GALNT17: variants seen among roughly 807,000 people sequenced by gnomAD.
The protein encoded by GALNT17 is polypeptide N-acetylgalactosaminyltransferase 17, also known as UDP-GalNAc:polypeptide N-acetylgalactosaminyltransferase-like 3.
Under a neutral mutation model 63.7 loss-of-function variants are expected in GALNT17, and 29 were observed. That is an observed-to-expected ratio of 0.46 (90% CI 0.34 to 0.62). The LOEUF (loss-of-function observed/expected upper bound fraction) is 0.62, where lower values mean the gene tolerates loss of function less well. Ranked by LOEUF, GALNT17 falls within the 20% of genes least tolerant of loss-of-function variation. The probability of loss-of-function intolerance (pLI) is 0.01; values close to 1 mark genes in which losing one functional copy is unlikely to be tolerated. For synonymous variants in GALNT17, 305 were observed against 318.3 expected, an observed-to-expected ratio of 0.96 and a Z score of 0.45; for missense variants, 603 against 799.6, an observed-to-expected ratio of 0.75 and a Z score of 2.97.
intron 3 of GALNT17, among the ~76,000 whole-genome samples, chr7:71,398,738 A>G (rs1793184676): frequency 6.6e-6 from 1 of 152,244 alleles, no homozygotes; most frequent in South Asian, 2.1e-4. Flanking sequence ...AAAAGATGAA[A>G]AAAGTTGTGG....
intron 1 of GALNT17, among the ~76,000 whole-genome samples, chr7:71,208,582 C>T (rs1237593181): frequency 6.6e-6 from 1 of 151,298 alleles, no homozygotes; most frequent in Non-Finnish European, 1.5e-5. Flanking sequence ...TCCAGGGTAG[C>T]TGGGACTACA....
intron 1 of GALNT17, among the ~76,000 whole-genome samples, chr7:71,237,452 G>A: frequency 7.0e-6 from 1 of 143,056 alleles, no homozygotes; most frequent in East Asian, 2.2e-4. Flanking sequence ...GGCCAAGGCA[G>A]ATCGCTTGAG....
rs1789439215 is a variant in GALNT17 at position 71,571,315 on chromosome 7, G to A, written c.993G>A (p.Val331=). ...RTPAMIGCSF[V]VNRKFFGEIG... ...CAGCCATGATAGGCTGCTCGTTCGT[G>A]GTCAACAGGAAGTTCTTCGGTGAAA... is the stretch of plus-strand genomic sequence containing the variant. The change falls in exon 6 of 11, where the codon GTG becomes GTA. Residue 331 remains valine (V), a synonymous_variant. Transcript: ENST00000333538. 6.2e-6 allele frequency: 10 copies of A among 1,613,924 alleles called. No homozygotes were observed. The highest frequency in any genetic ancestry group is 8.5e-6 in the Non-Finnish European group (10 of 1,179,966).
At position 71,540,093 on chromosome 7, in the gene GALNT17, C is replaced by CTTTTTTTTT. The variant is rs71089954; in HGVS notation, c.963-31165_963-31157dup. Among the ~76,000 whole-genome samples, 115 of 33,552 alleles carry CTTTTTTTTT rather than the reference C, an allele frequency of 3.4e-3. 18 individuals carry two copies. The highest frequency in any genetic ancestry group is 4.6e-3 in the Non-Finnish European group (83 of 18,028). The allele number at this position is 33,552 out of a possible 152,430, so 22.0% of individuals were successfully genotyped here. On this transcript the variant is annotated intron_variant, in intron 5 of 10. Coordinates refer to ENST00000333538, the MANE Select transcript of GALNT17 (RefSeq NM_022479.3). ...ACAGTTGTGAGCCACTGTGCCTGGCCTTTTTTTTTTTTTTTTTTTTTTTTT... is the reference window on the plus strand; with the variant it reads ...ACAGTTGTGAGCCACTGTGCCTGGCCTTTTTTTTTTTTTTTTTTTTTTTTTTTTTTTTTT...
chr7:71,417,748 C>G (rs945165986), intron 4 of GALNT17, among the ~76,000 whole-genome samples: 1 of 152,220 alleles, frequency 6.6e-6, no homozygotes, highest in African/African-American at 2.4e-5. Flanking sequence ...CATACCTTGT[C>G]TTTTCCTTGG....
chr7:71,486,888 C>T (rs113065627), intron 5 of GALNT17, among the ~76,000 whole-genome samples: 2,110 of 151,760 alleles, frequency 0.014, 43 homozygotes, highest in African/African-American at 0.049. Context: ...AAAAAACGCA[C>T]TTCTTGCTCC....
At chr7:71,166,819 C>T (rs1788449177) in intron 1 of GALNT17, among the ~76,000 whole-genome samples, 1 of 151,192 alleles carries the variant, frequency 6.6e-6, no homozygotes, top group Admixed American at 6.6e-5. Flanking sequence ...TAGATATATG[C>T]TTTTTTTTTC....
At chr7:71,503,789 C>T (rs1436521670) in intron 5 of GALNT17, among the ~76,000 whole-genome samples, 1 of 152,064 alleles carries the variant, frequency 6.6e-6, no homozygotes, top group Non-Finnish European at 1.5e-5. Context: ...AACAGATAGT[C>T]AAAATACATA....
At chr7:71,490,806 A>G (rs1242475433) in intron 5 of GALNT17, among the ~76,000 whole-genome samples, 8 of 152,188 alleles carry the variant, frequency 5.3e-5, no homozygotes, top group Non-Finnish European at 1.0e-4. Context: ...AGGCTGAGGC[A>G]GGAGGATCTC....
chr7:71,611,735 T>C (rs1180856170), intron 6 of GALNT17, among the ~76,000 whole-genome samples: 1 of 151,882 alleles, frequency 6.6e-6, no homozygotes, highest in Non-Finnish European at 1.5e-5. Flanking sequence ...GCCATGAAAA[T>C]GCTAAAGGAA....
intron 1 of GALNT17, among the ~76,000 whole-genome samples, chr7:71,320,945 G>C (rs2116001613): frequency 6.6e-6 from 1 of 152,310 alleles, no homozygotes; most frequent in East Asian, 1.9e-4. Context: ...GAGAATTGGT[G>C]AAGGTTCGTG....
At chr7:71,465,237 CAG>C (rs1018872032) in intron 5 of GALNT17, among the ~76,000 whole-genome samples, 3 of 152,134 alleles carry the variant, frequency 2.0e-5, no homozygotes, top group South Asian at 2.1e-4. Context: ...CTTATCTCCT[CAG>C]GGGCTAATTT....
At chr7:71,601,279 T>C (rs1017669416) in intron 6 of GALNT17, among the ~76,000 whole-genome samples, 1 of 152,170 alleles carries the variant, frequency 6.6e-6, no homozygotes, top group Non-Finnish European at 1.5e-5. Flanking sequence ...TAATGACTTC[T>C]TTTCTTTGGG....
intron 3 of GALNT17, among the ~76,000 whole-genome samples, chr7:71,394,794 A>G (rs1053679974): frequency 5.3e-5 from 8 of 152,246 alleles, no homozygotes; most frequent in Admixed American, 1.3e-4. Context: ...TTCACATACC[A>G]TAAAATATAC....
At chr7:71,222,907 CA>C (rs1174317750) in intron 1 of GALNT17, among the ~76,000 whole-genome samples, 4 of 152,062 alleles carry the variant, frequency 2.6e-5, no homozygotes, top group Admixed American at 2.6e-4. Context: ...CCTTCCTCTA[CA>C]AAAAACCCCC....
chr7:71,220,705 G>T (rs73365946), intron 1 of GALNT17, among the ~76,000 whole-genome samples: 1 of 151,950 alleles, frequency 6.6e-6, no homozygotes, highest in African/African-American at 2.4e-5. Context: ...TGGTGTCCTC[G>T]TAAGAAAAGG....
chr7:71,343,343 A>G lies in GALNT17; in HGVS notation c.422+7610A>G, dbSNP rs1224177665. On this transcript the variant is annotated intron_variant, in intron 2 of 10. Coordinates refer to ENST00000333538, the MANE Select transcript of GALNT17 (RefSeq NM_022479.3). ...CTTTAAGTAGGCTAATTTCATTGCA[A>G]TTTTAAACAGAACCTCAAGTTGCTT... is the stretch of plus-strand genomic sequence containing the variant. 4.6e-5 allele frequency among the ~76,000 whole-genome samples: 7 copies of G among 152,228 alleles called. No individual in the cohort carries two copies. The South Asian group carries it at 1.2e-3, about 27-fold the overall frequency.
chr7:71,556,437 G>A (rs1319241801), intron 5 of GALNT17, among the ~76,000 whole-genome samples: 2 of 152,138 alleles, frequency 1.3e-5, no homozygotes, highest in Non-Finnish European at 2.9e-5. Flanking sequence ...TCCAGCCAAC[G>A]GTTCTGTCTA....
At chr7:71,224,117 C>T (rs1034014402) in intron 1 of GALNT17, among the ~76,000 whole-genome samples, 1 of 152,050 alleles carries the variant, frequency 6.6e-6, no homozygotes, top group Non-Finnish European at 1.5e-5. Flanking sequence ...AGCAGTGGTG[C>T]GATCTCAGCT....
Sources: allele counts gnomAD v4.1 joint callset (sites outside exome capture counted in the v4.1 genomes callset), GRCh38; gene constraint gnomAD v4.1.1; transcripts MANE v1.5; gene names NCBI Gene and HGNC (gene_info 2026-07-23, HGNC 2026-07-21).